The following ADAM28 variants were observed in gnomAD, a reference collection of about 807,000 sequenced individuals.
ADAM28 encodes ADAM metallopeptidase domain 28, also known as disintegrin and metalloproteinase domain-containing protein 28.
Under a neutral mutation model 101.2 loss-of-function variants are expected in ADAM28, and 105 were observed. The ratio of observed to expected loss-of-function variants is 1.04; its 90% confidence interval spans 0.89 to 1.22. The LOEUF (loss-of-function observed/expected upper bound fraction) is 1.22. Among genes scored for constraint, ADAM28 ranks in the 50% most tolerant of loss-of-function variants. ADAM28 has a pLI of 0.00. For missense variants in ADAM28, 1,028 were observed against 945.4 expected (o/e 1.09, Z -1.15); for synonymous variants, 322 against 310.6 (o/e 1.04, Z -0.39).
chr8:24,294,246 T>G lies in ADAM28; in HGVS notation c.46+51T>G, dbSNP rs773205842. On this transcript the variant is annotated intron_variant, in intron 1 of 22. Coordinates refer to ENST00000265769, the MANE Select transcript of ADAM28 (RefSeq NM_014265.6). ...TCTATTGAATGCATTAGCGAACTTTTCATAGTCTCCTAATAGTTTTATTGT... is the reference window on the plus strand; with the variant it reads ...TCTATTGAATGCATTAGCGAACTTTGCATAGTCTCCTAATAGTTTTATTGT... The G allele has an allele frequency of 1.8e-5, 28 of 1,573,920 alleles. No homozygotes were observed. The South Asian group carries it at 3.1e-4, about 17-fold the overall frequency.
At chr8:24,295,792 C>T (rs1307930681) in intron 1 of ADAM28, 1 of 152,150 alleles carries the variant, frequency 6.6e-6, no homozygotes, top group Non-Finnish European at 1.5e-5. Context: ...TTAAGGGTGT[C>T]TTTTTGCCAC....
intron 14 of ADAM28, 190 bp downstream of exon 14, chr8:24,335,831 G>A (rs1813960755): frequency 3.2e-6 from 4 of 1,255,668 alleles, no homozygotes; most frequent in Non-Finnish European, 4.0e-6. Context: ...AATAAGGATG[G>A]CCCCGTTAAA....
intron 4 of ADAM28, 38 bp from the exon 5 acceptor site, chr8:24,311,323 C>T (rs1810426339): frequency 6.4e-7 from 1 of 1,551,322 alleles, no homozygotes; most frequent in South Asian, 1.2e-5. Context: ...TGCTAAAATT[C>T]ACATGTACTT....
chr8:24,321,968 T>G (rs1811937462), intron 8 of ADAM28, among the ~76,000 whole-genome samples: 1 of 152,010 alleles, frequency 6.6e-6, no homozygotes, highest in African/African-American at 2.4e-5. Context: ...ATACTTATTT[T>G]GAAATGAATG....
intron 2 of ADAM28, among the ~76,000 whole-genome samples, chr8:24,309,305 C>T (rs1012040802): frequency 1.3e-5 from 2 of 152,014 alleles, no homozygotes; most frequent in African/African-American, 4.8e-5. Context: ...GTTTATGTTC[C>T]AGTTAGTCTT....
chr8:24,298,347 T>A lies in ADAM28; in HGVS notation c.47-1627T>A, dbSNP rs541744749. On this transcript the variant is annotated intron_variant, in intron 1 of 22. Transcript: ENST00000265769. ...GTTCTTAGCTGGTTTAAACCCTTTTTCTGTTCTTCAAAGTTAAATGTAAGT... is the reference window on the plus strand; with the variant it reads ...GTTCTTAGCTGGTTTAAACCCTTTTACTGTTCTTCAAAGTTAAATGTAAGT... 4.6e-5 allele frequency among the ~76,000 whole-genome samples: 7 copies of A among 152,296 alleles called. No homozygotes were observed. The South Asian group carries it at 1.5e-3, about 32-fold the overall frequency.
intron 14 of ADAM28, among the ~76,000 whole-genome samples, chr8:24,337,695 A>G (rs1458324909): frequency 6.6e-6 from 1 of 152,248 alleles, no homozygotes; most frequent in Non-Finnish European, 1.5e-5. Context: ...TCCAAATTTT[A>G]TAATTCACAG....
intron 18 of ADAM28, among the ~76,000 whole-genome samples, chr8:24,344,465 A>G (rs192659131): frequency 9.5e-4 from 145 of 152,270 alleles, no homozygotes; most frequent in African/African-American, 3.2e-3. Context: ...CTTGTTCTAT[A>G]TACACAGGAG....
intron 18 of ADAM28, among the ~76,000 whole-genome samples, chr8:24,344,355 T>C (rs902521280): frequency 2.6e-5 from 4 of 152,246 alleles, no homozygotes; most frequent in Non-Finnish European, 1.5e-5. Flanking sequence ...ATAGTGTAGG[T>C]ATCTAGAGGA....
chr8:24,317,614 A>G (rs748562043), intron 6 of ADAM28, among the ~76,000 whole-genome samples: 4 of 152,134 alleles, frequency 2.6e-5, no homozygotes, highest in Admixed American at 6.6e-5. Flanking sequence ...GCTGTTTGAC[A>G]TTAACCTTGA....
In ADAM28 at chr8:24,321,564, G is replaced by A. The variant is rs373681633; in HGVS notation, c.720+275G>A. On this transcript the variant is annotated intron_variant, in intron 8 of 22. Coordinates refer to ENST00000265769, the MANE Select transcript of ADAM28 (RefSeq NM_014265.6). ...GGTGCATTGTATTTTCCAAAAATCC[G>A]CTAAGAAAATGCTGAAGACCAAATC... 24 of 395,954 alleles carry A rather than the reference G, an allele frequency of 6.1e-5. No homozygotes were observed. The East Asian group carries it at 6.5e-4, about 11-fold the overall frequency. 24.5% of individuals were successfully genotyped at this position (395,954 alleles called of 1,614,324 possible). A position where few individuals can be genotyped will look rare whatever the true frequency, so the allele number is the denominator to read the frequency against.
intron 9 of ADAM28, among the ~76,000 whole-genome samples, chr8:24,325,457 T>C (rs948354200): frequency 9.2e-5 from 14 of 151,878 alleles, no homozygotes; most frequent in African/African-American, 3.1e-4. Flanking sequence ...ACTTAAAAGA[T>C]AAACCAAAAT....
intron 10 of ADAM28, among the ~76,000 whole-genome samples, chr8:24,326,964 C>G (rs1416388744): frequency 1.3e-5 from 2 of 152,018 alleles, no homozygotes; most frequent in Non-Finnish European, 2.9e-5. Context: ...AAGCTAGAAG[C>G]ATTCCTTTTG....
chr8:24,321,399 C>A, intron 8 of ADAM28, 110 bp downstream of exon 8: 2 of 901,952 alleles, frequency 2.2e-6, no homozygotes, highest in Non-Finnish European at 3.7e-6. Context: ...CATTTGAGAC[C>A]AATGTGGCTG....
chr8:24,301,852 G>A (rs1808823063), intron 2 of ADAM28, among the ~76,000 whole-genome samples: 1 of 152,198 alleles, frequency 6.6e-6, no homozygotes. Context: ...GTAACCCTGA[G>A]ACACTGACCA....
chr8:24,309,855 T>C (rs1810211405), intron 2 of ADAM28, 39 bp from the exon 3 acceptor site: 1 of 1,370,920 alleles, frequency 7.3e-7, no homozygotes, highest in Non-Finnish European at 1.0e-6. Flanking sequence ...CAAATGAATA[T>C]GTTTTTAATT....
chr8:24,336,580 C>CAAAAAA (rs769016133), intron 14 of ADAM28, among the ~76,000 whole-genome samples: 3 of 61,634 alleles, frequency 4.9e-5, no homozygotes, highest in Non-Finnish European at 9.3e-5. Context: ...ACTCCGTCTC[C>CAAAAAA]AAAAAAAAAA....
chr8:24,339,379 C>A, intron 14 of ADAM28, 87 bp from the exon 15 acceptor site: 1 of 1,064,806 alleles, frequency 9.4e-7, no homozygotes, highest in Non-Finnish European at 1.4e-6. Flanking sequence ...CTTTCCAGCA[C>A]TGAATCTTTA....
intron 6 of ADAM28, among the ~76,000 whole-genome samples, chr8:24,315,329 T>C (rs1007971062): frequency 6.6e-6 from 1 of 151,720 alleles, no homozygotes. Context: ...AAAGTGGAGA[T>C]ATTACAAAAG....
Sources: gnomAD v4.1 joint callset for allele counts (sites outside exome capture counted in the v4.1 genomes callset) on GRCh38, gnomAD v4.1.1 for gene constraint, MANE v1.5 for transcripts, NCBI Gene and HGNC (gene_info 2026-07-23, HGNC 2026-07-21) for gene names.